SLC44A2: variants seen among roughly 807,000 people sequenced by gnomAD.
SLC44A2 encodes choline transporter-like protein 2.
A neutral mutation model predicts 90.8 loss-of-function variants in SLC44A2; 57 were observed. The ratio of observed to expected loss-of-function variants is 0.63; its 90% CI spans 0.51 to 0.78. The LOEUF (loss-of-function observed/expected upper bound fraction) is 0.78. Ranked by LOEUF, SLC44A2 falls within the 30% of genes least tolerant of loss-of-function variation. The probability of loss-of-function intolerance (pLI) is 0.00; values close to 1 mark genes in which losing one functional copy is unlikely to be tolerated. For missense variants in SLC44A2, 794 were observed against 919.7 expected (o/e 0.86, Z 1.77); for synonymous variants, 355 against 360.7 (o/e 0.98, Z 0.18).
Position 10,643,491 on chromosome 19 carries a change from G to C in SLC44A2, c.*106G>C, listed in dbSNP as rs530390054. The C allele has an allele frequency of 7.7e-7, 1 of 1,300,252 alleles. No homozygotes were observed. Among genetic ancestry groups the C allele is most frequent in the Non-Finnish European group, 1.0e-6 (1 of 954,994 alleles). 80.5% of individuals were successfully genotyped at this position (1,300,252 alleles called of 1,614,324 possible). A position where few individuals can be genotyped will look rare whatever the true frequency, so the allele number is the denominator to read the frequency against. ...GCTCACCTGAAGTCCTATCACTGCC[G>C]CTCTGCCCCTCCCCATGAGCCAGAT... On this transcript the variant is annotated 3_prime_UTR_variant, in exon 22 of 22. Coordinates refer to ENST00000335757, the MANE Select transcript of SLC44A2 (RefSeq NM_020428.4).
chr19:10,628,545 T>C (rs2066959354), intron 4 of SLC44A2, among the ~76,000 whole-genome samples: 2 of 152,084 alleles, frequency 1.3e-5, no homozygotes, highest in Non-Finnish European at 1.5e-5. Flanking sequence ...GAGCGAGACC[T>C]GGTCTCAACA....
chr19:10,632,960 C>T (rs2067013658), intron 10 of SLC44A2, among the ~76,000 whole-genome samples: 1 of 151,994 alleles, frequency 6.6e-6, no homozygotes, highest in Non-Finnish European at 1.5e-5. Flanking sequence ...GCAGGAGCCA[C>T]CGCGCCCGGA....
Position 10,602,510 on chromosome 19 carries a change from G to T in SLC44A2, c.-21G>T, listed in dbSNP as rs546626358. ...CTGGGGTCGCGCTGGCTCGGACTCC[G>T]CTCCCCGCCCCGCCGCGGCCATGGA... On this transcript the variant is annotated 5_prime_UTR_variant, in exon 1 of 22. Coordinates refer to the SLC44A2 transcript ENST00000407327. 7.9e-6 allele frequency: 10 copies of T among 1,263,814 alleles called. No homozygotes were observed. In the South Asian group the frequency reaches 2.3e-4, roughly 29 times the overall value. The allele number at this position is 1,263,814 out of a possible 1,614,324, so 78.3% of individuals were successfully genotyped here. A position where few individuals can be genotyped will look rare whatever the true frequency, so the allele number is the denominator to read the frequency against.
At chr19:10,604,544 C>T (rs1918046874) in intron 1 of SLC44A2, among the ~76,000 whole-genome samples, 1 of 152,090 alleles carries the variant, frequency 6.6e-6, no homozygotes, top group South Asian at 2.1e-4. Context: ...CTTATCCTAC[C>T]CTCCTGCCCC....
Position 10,636,725 on chromosome 19 carries a change from G to T in SLC44A2, c.1560G>T (p.Val520=). 6.2e-7 allele frequency: 1 copy of T among 1,614,038 alleles called. No individual in the cohort carries two copies. Among genetic ancestry groups the T allele is most frequent in the Middle Eastern group, 1.6e-4 (1 of 6,062 alleles). The change falls in exon 16 of 22, where the codon GTG becomes GTT. Residue 520 remains valine (V), a synonymous_variant. Coordinates refer to ENST00000335757, the MANE Select transcript of SLC44A2 (RefSeq NM_020428.4). ...LILAIVQIIR[V]ILEYLDQRLK... ...TGGCCATTGTGCAGATCATCCGTGT[G>T]ATACTCGAGTACCTGGATCAGCGGC...
rs181127478 is a variant in SLC44A2, at chr19:10,629,652, G to A, written c.246-1405G>A. 6.6e-5 allele frequency among the ~76,000 whole-genome samples: 10 copies of A among 151,926 alleles called. No homozygotes were observed. In the East Asian group the frequency reaches 1.5e-3, roughly 23 times the overall value. On this transcript the variant is annotated intron_variant, in intron 4 of 21. Transcript: ENST00000335757. ...TCAGCCAGTGGCAGGATCATAGCTC[G>A]CTACAGCCTGGAACTCCTGGGCTTA...
At chr19:10,639,691 C>T (rs1483071266) in intron 20 of SLC44A2, among the ~76,000 whole-genome samples, 1 of 151,944 alleles carries the variant, frequency 6.6e-6, no homozygotes, top group Non-Finnish European at 1.5e-5. Context: ...CTAGCCTTGC[C>T]AGCATGGCGA....
chr19:10,640,111 G>A (rs1194784379), intron 20 of SLC44A2, among the ~76,000 whole-genome samples: 4 of 96,478 alleles, frequency 4.1e-5, no homozygotes, highest in Admixed American at 1.5e-4. Flanking sequence ...TTTTTTCTGC[G>A]ATAGAGCCTT....
chr19:10,612,724 T>C (rs1330507915), intron 1 of SLC44A2, among the ~76,000 whole-genome samples: 1 of 152,244 alleles, frequency 6.6e-6, no homozygotes, highest in Non-Finnish European at 1.5e-5. Flanking sequence ...GTGGCAGTTC[T>C]CTTATCGCCC....
chr19:10,604,226 G>C (rs1918037599), intron 1 of SLC44A2, among the ~76,000 whole-genome samples: 1 of 152,200 alleles, frequency 6.6e-6, no homozygotes, highest in African/African-American at 2.4e-5. Context: ...GTGTGATCTT[G>C]TGTGGCAGAA....
intron 13 of SLC44A2, 52 bp downstream of exon 13, chr19:10,635,307 C>T: frequency 3.7e-6 from 6 of 1,609,288 alleles, no homozygotes; most frequent in Non-Finnish European, 5.1e-6. Context: ...TAAAGACCAA[C>T]TTTGCCTAGA....
intron 1 of SLC44A2, among the ~76,000 whole-genome samples, chr19:10,618,074 G>A (rs549195228): frequency 7.4e-4 from 112 of 152,096 alleles, no homozygotes; most frequent in African/African-American, 2.4e-3. Flanking sequence ...GCGTGATCTC[G>A]GCTCACTGCA....
At chr19:10,634,459 C>G in intron 10 of SLC44A2, among the ~76,000 whole-genome samples, 1 of 147,038 alleles carries the variant, frequency 6.8e-6, no homozygotes, top group African/African-American at 2.6e-5. Context: ...AGTGAAACTC[C>G]GTCTCAAAAA....
intron 10 of SLC44A2, among the ~76,000 whole-genome samples, chr19:10,634,284 G>A (rs929524712): frequency 4.0e-5 from 6 of 149,282 alleles, no homozygotes; most frequent in Non-Finnish European, 5.9e-5. Context: ...CACCGCGCCC[G>A]GCCAACCCCA....
rs1054680863 is a variant in SLC44A2 at position 10,644,295 on chromosome 19, T to G, written c.*910T>G. The G allele has an allele frequency of 1.3e-5, 2 of 152,662 alleles. No individual in the cohort carries two copies. Among genetic ancestry groups the G allele is most frequent in the African/African-American group, 4.8e-5 (2 of 41,440 alleles). 9.5% of individuals were successfully genotyped at this position (152,662 alleles called of 1,614,324 possible). ...GGCCCCTCTGCCCACACACCTCACT[T>G]GATCCTTTTGCCAAACTTGTCAAAC... On this transcript the variant is annotated 3_prime_UTR_variant, in exon 22 of 22. Transcript: ENST00000335757.
At chr19:10,625,474 C>G, upstream of SLC44A2, 2 of 1,218,316 alleles carry the variant, frequency 1.6e-6, no homozygotes, top group Non-Finnish European at 2.0e-6. Flanking sequence ...GGGCAGCTGC[C>G]CAGCTCGGGC....
intron 1 of SLC44A2, among the ~76,000 whole-genome samples, chr19:10,619,680 G>T (rs1037135402): frequency 2.6e-5 from 4 of 151,566 alleles, no homozygotes; most frequent in Admixed American, 2.0e-4. Flanking sequence ...TCCGCCGGAC[G>T]CAGTGGCTCA....
upstream of SLC44A2, among the ~76,000 whole-genome samples, chr19:10,622,790 T>C (rs1436927453): frequency 1.3e-5 from 2 of 151,816 alleles, no homozygotes; most frequent in Non-Finnish European, 2.9e-5. Flanking sequence ...TGATCCCAGC[T>C]ACTCAGGAGG....
upstream of SLC44A2, chr19:10,625,334 C>A (rs1204340105): frequency 1.8e-6 from 1 of 564,788 alleles, no homozygotes; most frequent in Admixed American, 4.8e-5. Context: ...CGGCATCGCC[C>A]GGTGGCAGGG....
Sources: allele counts gnomAD v4.1 joint callset (sites outside exome capture counted in the v4.1 genomes callset), GRCh38; gene constraint gnomAD v4.1.1; transcripts MANE v1.5; gene names NCBI Gene and HGNC (gene_info 2026-07-23, HGNC 2026-07-21).